The following LRRC7 variants were observed in gnomAD, a reference collection of about 807,000 sequenced individuals.
LRRC7 encodes the protein leucine-rich repeat-containing protein 7.
In LRRC7, 23 loss-of-function variants were observed where a neutral mutation model predicts 175.7. The ratio of observed to expected loss-of-function variants is 0.13; its 90% confidence interval spans 0.09 to 0.19. LRRC7 has a LOEUF of 0.19. Ranked by LOEUF, LRRC7 falls within the 10% of genes least tolerant of loss-of-function variation. LRRC7 has a pLI of 1.00. For synonymous variants in LRRC7, 685 were observed against 680.9 expected, an observed-to-expected ratio of 1.01 and a Z score of -0.09; for missense variants, 1,354 against 1,904.7, an observed-to-expected ratio of 0.71 and a Z score of 5.38.
intron 2 of LRRC7, among the ~76,000 whole-genome samples, chr1:69,745,441 T>G (rs1268214122): frequency 2.6e-5 from 4 of 151,884 alleles, no homozygotes; most frequent in Non-Finnish European, 5.9e-5. Context: ...TCAGGAAAGA[T>G]GTTCAAATCC....
At chr1:69,580,603 A>G (rs1646157376) in intron 1 of LRRC7, among the ~76,000 whole-genome samples, 1 of 152,172 alleles carries the variant, frequency 6.6e-6, no homozygotes, top group African/African-American at 2.4e-5. Flanking sequence ...GAGAACTTTT[A>G]TAATAAAAAT....
chr1:69,691,334 G>A (rs61431923), intron 2 of LRRC7, among the ~76,000 whole-genome samples: 4,631 of 152,034 alleles, frequency 0.03, 223 homozygotes, highest in African/African-American at 0.1. Flanking sequence ...ATCTAATTGT[G>A]TTTTATCTCG....
intron 25 of LRRC7, among the ~76,000 whole-genome samples, chr1:70,095,059 G>A (rs1664293812): frequency 6.6e-6 from 1 of 152,016 alleles, no homozygotes; most frequent in Admixed American, 6.6e-5. Flanking sequence ...ACAATTTATT[G>A]TATATGTTTC....
chr1:69,952,402 G>A (rs892295210), intron 8 of LRRC7, among the ~76,000 whole-genome samples: 15 of 151,956 alleles, frequency 9.9e-5, no homozygotes, highest in African/African-American at 3.4e-4. Context: ...ATTTCCCCAT[G>A]AGAGTTCTAA....
rs1219955573 is a variant in LRRC7, at chr1:70,130,030, C to A, written c.*8143C>A. The A allele has an allele frequency of 6.6e-6, 1 of 152,172 alleles. No homozygotes were observed. Among genetic ancestry groups the A allele is most frequent in the Non-Finnish European group, 1.5e-5 (1 of 68,054 alleles). 9.4% of individuals were successfully genotyped at this position (152,172 alleles called of 1,614,324 possible). ...ATCATATGCAGCCTTCAGAGCCCAGCTCAAACAGCACTAGAACCATGAAAC... is the reference window on the plus strand; with the variant it reads ...ATCATATGCAGCCTTCAGAGCCCAGATCAAACAGCACTAGAACCATGAAAC... On this transcript the variant is annotated 3_prime_UTR_variant, in exon 27 of 27. Coordinates refer to ENST00000651989, the MANE Select transcript of LRRC7 (RefSeq NM_001370785.2).
At position 70,127,722 on chromosome 1, in the gene LRRC7, A is replaced by G. The variant is rs1666504962; in HGVS notation, c.*5835A>G. Among the ~76,000 whole-genome samples, 2 of 152,230 alleles carry G rather than the reference A, an allele frequency of 1.3e-5. No individual in the cohort carries two copies. The highest frequency in any genetic ancestry group is 4.8e-5 in the African/African-American group (2 of 41,456). ...GTCAATACTTCCACAAATTGTCTGC[A>G]AAACACCCCTTTTGTGCCTAATTTT... On this transcript the variant is annotated 3_prime_UTR_variant, in exon 27 of 27. Transcript: ENST00000651989.
chr1:70,011,491 T>C (rs1309568599), intron 11 of LRRC7, among the ~76,000 whole-genome samples: 1 of 152,174 alleles, frequency 6.6e-6, no homozygotes, highest in Non-Finnish European at 1.5e-5. Context: ...ATTCCAAGGA[T>C]ACACATTCTG....
rs1233327260 is a variant in LRRC7, at chr1:70,112,627, A to G, written c.4620+4801A>G. Among the ~76,000 whole-genome samples, 3 of 152,180 alleles carry G rather than the reference A, an allele frequency of 2.0e-5. No homozygotes were observed. The East Asian group carries it at 5.8e-4, about 29-fold the overall frequency. ...GGCCACTCACAAACAAAAGTACAAG[A>G]TGTAAGACCCTCCTCTTCTTACCTC... On this transcript the variant is annotated intron_variant, in intron 26 of 26. Coordinates refer to ENST00000651989, the MANE Select transcript of LRRC7 (RefSeq NM_001370785.2).
rs114669538 is a variant in LRRC7 at position 69,930,976 on chromosome 1, C to G, written c.648-531C>G. ...ATTCAAGATGAGATTTGGGTCAGGA[C>G]ACAGACCAAAACTGTATCAGTGTGA... is the stretch of plus-strand genomic sequence containing the variant. On this transcript the variant is annotated intron_variant, in intron 7 of 26. Transcript: ENST00000651989. Among the ~76,000 whole-genome samples, 1,253 of 152,224 alleles carry G rather than the reference C, an allele frequency of 8.2e-3. 21 individuals are homozygous for G. The highest frequency in any genetic ancestry group is 0.029 in the African/African-American group (1,184 of 41,538).
intron 2 of LRRC7, among the ~76,000 whole-genome samples, chr1:69,703,464 A>G (rs1663632027): frequency 6.6e-6 from 1 of 151,884 alleles, no homozygotes; most frequent in Non-Finnish European, 1.5e-5. Flanking sequence ...TTCATTTCAT[A>G]TTTGTATTCA....
At position 70,128,172 on chromosome 1, in the gene LRRC7, G is replaced by C. The variant is rs1666524407; in HGVS notation, c.*6285G>C. Among the ~76,000 whole-genome samples the C allele has an allele frequency of 6.6e-6, 1 of 152,154 alleles. No homozygotes were observed. Among genetic ancestry groups the C allele is most frequent in the African/African-American group, 2.4e-5 (1 of 41,434 alleles). On this transcript the variant is annotated 3_prime_UTR_variant, in exon 27 of 27. Coordinates refer to ENST00000651989, the MANE Select transcript of LRRC7 (RefSeq NM_001370785.2). The stretch of plus-strand genomic sequence containing the variant: ...GGACAGGGTTTCACCGTGTTGGCCA[G>C]GCTGGTCTCGAACACCTGGCCTCAA...
intron 2 of LRRC7, among the ~76,000 whole-genome samples, chr1:69,698,944 A>G (rs1662973528): frequency 6.6e-6 from 1 of 152,148 alleles, no homozygotes; most frequent in African/African-American, 2.4e-5. Flanking sequence ...ACTTTAAGCT[A>G]TAAAGTATAG....
intron 7 of LRRC7, among the ~76,000 whole-genome samples, chr1:69,856,229 A>G (rs1212573998): frequency 6.6e-6 from 1 of 152,106 alleles, no homozygotes; most frequent in Non-Finnish European, 1.5e-5. Flanking sequence ...AAACACATTC[A>G]AAAGCTAGCA....
intron 2 of LRRC7, among the ~76,000 whole-genome samples, chr1:69,738,204 T>A (rs868799440): frequency 6.6e-6 from 1 of 152,040 alleles, no homozygotes; most frequent in African/African-American, 2.4e-5. Context: ...TTGCATTGAT[T>A]ACTTCACTCA....
intron 25 of LRRC7, among the ~76,000 whole-genome samples, chr1:70,092,812 G>A (rs1012880269): frequency 1.3e-5 from 2 of 152,052 alleles, no homozygotes; most frequent in Non-Finnish European, 2.9e-5. Flanking sequence ...CTTTATGGAG[G>A]AATCAGGATT....
rs371193341 is a variant in LRRC7 at position 69,988,454 on chromosome 1, G to T, written c.931+2068G>T. Among the ~76,000 whole-genome samples, 107 of 152,268 alleles carry T rather than the reference G, an allele frequency of 7.0e-4. 2 individuals are homozygous for T. In the South Asian group the frequency reaches 0.022, roughly 31 times the overall value. ...AAGAAAAATGATGTTTGCTTAAGAA[G>T]AATGAACATCAACCTGAACCTGTGA... On this transcript the variant is annotated intron_variant, in intron 10 of 26. Transcript: ENST00000651989.
chr1:70,003,122 A>G (rs1463718239), intron 11 of LRRC7, among the ~76,000 whole-genome samples: 1 of 151,996 alleles, frequency 6.6e-6, no homozygotes, highest in African/African-American at 2.4e-5. Context: ...GGCGACCACC[A>G]TGTTGCTGTG....
intron 23 of LRRC7, among the ~76,000 whole-genome samples, chr1:70,054,645 G>T (rs763225854): frequency 7.9e-6 from 1 of 126,442 alleles, no homozygotes; most frequent in Admixed American, 8.9e-5. Flanking sequence ...AGGCTGGAGC[G>T]CAGTGGCGCG....
intron 3 of LRRC7, among the ~76,000 whole-genome samples, chr1:69,781,791 AAGGAAGGAAGGAAGGAAGG>A (rs1673689845): frequency 3.7e-4 from 8 of 21,828 alleles, no homozygotes; most frequent in East Asian, 3.3e-3. Flanking sequence ...GAAAGAAAGG[AAGGAAGGAAGGAAGGAAGG>A]AAGGAAGGAA....
Sources: gnomAD v4.1 joint callset for allele counts (sites outside exome capture counted in the v4.1 genomes callset) on GRCh38, gnomAD v4.1.1 for gene constraint, MANE v1.5 for transcripts, NCBI Gene and HGNC (gene_info 2026-07-23, HGNC 2026-07-21) for gene names.